The following NOVA1 variants were observed in gnomAD, a reference collection of about 807,000 sequenced individuals.
NOVA1 encodes the protein NOVA alternative splicing regulator 1.
A neutral mutation model predicts 38.0 loss-of-function variants in NOVA1; 7 were observed. The ratio of observed to expected loss-of-function variants is 0.18; its 90% CI spans 0.10 to 0.35. The LOEUF is 0.35. Among genes scored for constraint, NOVA1 ranks in the 10% least tolerant of loss-of-function variants. The probability of loss-of-function intolerance (pLI) is 1.00; values close to 1 mark genes in which losing one functional copy is unlikely to be tolerated. For synonymous variants in NOVA1, 270 were observed against 232.5 expected (o/e 1.16, Z -1.47); for missense variants, 460 against 616.0 (o/e 0.75, Z 2.68).
intron 2 of NOVA1, among the ~76,000 whole-genome samples, chr14:26,531,006 C>T (rs779410023): frequency 4.6e-5 from 7 of 152,094 alleles, no homozygotes; most frequent in Non-Finnish European, 1.0e-4. Flanking sequence ...TCATTCTATA[C>T]AGAATGTTAG....
intron 2 of NOVA1, among the ~76,000 whole-genome samples, chr14:26,530,682 A>G (rs575204926): frequency 6.6e-6 from 1 of 152,270 alleles, no homozygotes; most frequent in East Asian, 1.9e-4. Context: ...TGCTAAAAAC[A>G]CTGCTTCCTA....
At chr14:26,594,870 A>G (rs1249939335) in intron 2 of NOVA1, among the ~76,000 whole-genome samples, 2 of 152,138 alleles carry the variant, frequency 1.3e-5, no homozygotes, top group Non-Finnish European at 2.9e-5. Context: ...AAATTTCCTT[A>G]TATCAATTGC....
At chr14:26,499,686 T>C (rs1272931616) in intron 2 of NOVA1, among the ~76,000 whole-genome samples, 2 of 152,158 alleles carry the variant, frequency 1.3e-5, no homozygotes, top group African/African-American at 4.8e-5. Context: ...TATCCAACCT[T>C]GTTGGGAATT....
At chr14:26,542,484 G>A (rs527638872) in intron 2 of NOVA1, among the ~76,000 whole-genome samples, 5 of 151,750 alleles carry the variant, frequency 3.3e-5, no homozygotes, top group African/African-American at 1.2e-4. Context: ...GCAGAAATTC[G>A]GTGCTGCATT....
At chr14:26,465,526 C>G (rs962220935) in intron 4 of NOVA1, among the ~76,000 whole-genome samples, 1 of 152,066 alleles carries the variant, frequency 6.6e-6, no homozygotes, top group Non-Finnish European at 1.5e-5. Context: ...GAGACAAGTG[C>G]CCAGCTGGTT....
At chr14:26,587,936 T>C (rs1048288545) in intron 2 of NOVA1, among the ~76,000 whole-genome samples, 1 of 151,232 alleles carries the variant, frequency 6.6e-6, no homozygotes, top group Non-Finnish European at 1.5e-5. Context: ...TTATTAACAA[T>C]TTAAATGAAG....
rs1885338709 is a variant in NOVA1, at chr14:26,480,130, T to G, written c.294A>C (p.Arg98=). The change falls in exon 3 of 5, where the codon CGA becomes CGC. Residue 98 remains arginine, a synonymous_variant. Coordinates refer to ENST00000539517, the MANE Select transcript of NOVA1 (RefSeq NM_002515.3). ...SKDFYPGTTE[R]VCLIQGTVEA... ...CAACCGTTCCCTGGATCAAGCACAC[T>G]CGCTCAGTAGTACCTGTGGATAAAA... 4.3e-6 allele frequency: 7 copies of G among 1,613,466 alleles called. No individual in the cohort carries two copies. Among genetic ancestry groups the G allele is most frequent in the Non-Finnish European group, 5.9e-6 (7 of 1,179,786 alleles).
intron 4 of NOVA1, among the ~76,000 whole-genome samples, chr14:26,465,611 T>A (rs1884049305): frequency 6.6e-6 from 1 of 152,220 alleles, no homozygotes; most frequent in South Asian, 2.1e-4. Context: ...TTTAGCTTAA[T>A]CTCTTCATTC....
intron 2 of NOVA1, among the ~76,000 whole-genome samples, chr14:26,590,871 A>G (rs1893802488): frequency 6.6e-6 from 1 of 151,808 alleles, no homozygotes; most frequent in South Asian, 2.1e-4. Flanking sequence ...TCAAAGTAGC[A>G]TTATGTATAT....
intron 2 of NOVA1, among the ~76,000 whole-genome samples, chr14:26,530,495 T>C (rs1029253187): frequency 6.6e-6 from 1 of 152,170 alleles, no homozygotes; most frequent in African/African-American, 2.4e-5. Context: ...TCAGTATAAA[T>C]GTATAGATAA....
At chr14:26,579,428 AT>A (rs1348085908) in intron 2 of NOVA1, among the ~76,000 whole-genome samples, 4 of 152,132 alleles carry the variant, frequency 2.6e-5, no homozygotes, top group African/African-American at 9.7e-5. Context: ...AAATACAAAG[AT>A]TTTATTTCTT....
chr14:26,513,018 ATATAC>A (rs1432243954), intron 2 of NOVA1, among the ~76,000 whole-genome samples: 3 of 149,944 alleles, frequency 2.0e-5, no homozygotes, highest in Non-Finnish European at 4.4e-5. Context: ...CTAGAAATGT[ATATAC>A]ATACTTTGCC....
chr14:26,530,030 C>T (rs1889591710), intron 2 of NOVA1, among the ~76,000 whole-genome samples: 1 of 152,182 alleles, frequency 6.6e-6, no homozygotes, highest in African/African-American at 2.4e-5. Context: ...CGCCATTCTC[C>T]TGCCTCAGCC....
chr14:26,557,235 G>A lies in NOVA1; in HGVS notation c.280+38175C>T, dbSNP rs143110489. ...GGGGACATAGTATCTCCTTAGGGAA[G>A]TGAAAATTAAAACAACAATAAGATA... On this transcript the variant is annotated intron_variant, in intron 2 of 4. Transcript: ENST00000539517. 6.3e-3 allele frequency among the ~76,000 whole-genome samples: 957 copies of A among 152,278 alleles called. 7 individuals are homozygous for A. The highest frequency in any genetic ancestry group is 8.3e-3 in the Non-Finnish European group (566 of 68,016).
At chr14:26,531,489 C>A (rs141815805) in intron 2 of NOVA1, among the ~76,000 whole-genome samples, 1 of 152,144 alleles carries the variant, frequency 6.6e-6, no homozygotes, top group Non-Finnish European at 1.5e-5. Context: ...TGCCTGTAAT[C>A]CCAGCTACTC....
rs368092132 is a variant in NOVA1, at chr14:26,463,290, G to A, written c.519+9030C>T. 2.1e-4 allele frequency among the ~76,000 whole-genome samples: 32 copies of A among 152,246 alleles called. No homozygotes were observed. In the East Asian group the frequency reaches 4.4e-3, roughly 21 times the overall value. The stretch of plus-strand genomic sequence containing the variant: ...AGCATTTCTTGTATCAACATTGTAT[G>A]AGCATGTTTATTTCTTGTATCTTTG... On this transcript the variant is annotated intron_variant, in intron 4 of 4. Transcript: ENST00000539517.
intron 2 of NOVA1, among the ~76,000 whole-genome samples, chr14:26,561,580 A>C (rs1040878713): frequency 6.6e-6 from 1 of 152,220 alleles, no homozygotes; most frequent in Non-Finnish European, 1.5e-5. Context: ...ACACTAAGGA[A>C]AGAGAAGAAT....
intron 4 of NOVA1, among the ~76,000 whole-genome samples, chr14:26,465,675 A>G (rs1884053004): frequency 6.6e-6 from 1 of 151,974 alleles, no homozygotes; most frequent in African/African-American, 2.4e-5. Context: ...AATTCTATGC[A>G]AAATTTCATT....
intron 2 of NOVA1, among the ~76,000 whole-genome samples, chr14:26,521,805 G>T (rs1000369746): frequency 8.6e-5 from 13 of 151,936 alleles, no homozygotes; most frequent in Admixed American, 5.9e-4. Context: ...TAAATCAAGG[G>T]TATTATGTAG....
Sources: allele counts gnomAD v4.1 joint callset (sites outside exome capture counted in the v4.1 genomes callset), GRCh38; gene constraint gnomAD v4.1.1; transcripts MANE v1.5; gene names NCBI Gene and HGNC (gene_info 2026-07-23, HGNC 2026-07-21).